The following EML4 variants were observed in gnomAD, a reference collection of about 807,000 sequenced individuals.
EML4 encodes EMAP like 4.
Under a neutral mutation model 129.0 loss-of-function variants are expected in EML4, and 72 were observed. That is an observed-to-expected ratio of 0.56 (90% CI 0.46 to 0.68). The LOEUF (loss-of-function observed/expected upper bound fraction) is 0.68. Among genes scored for constraint, EML4 ranks in the 30% least tolerant of loss-of-function variants. The probability of loss-of-function intolerance (pLI) is 0.00; values close to 1 mark genes in which losing one functional copy is unlikely to be tolerated. For missense variants in EML4, 1,363 were observed against 1,190.6 expected (o/e 1.14, Z -2.13); for synonymous variants, 532 against 405.0 (o/e 1.31, Z -3.77).
At position 42,245,678 on chromosome 2, in the gene EML4, T is replaced by C; in HGVS notation, c.199T>C (p.Ser67Pro). The C allele has an allele frequency of 6.2e-7, 1 of 1,608,480 alleles. No individual in the cohort carries two copies. Among genetic ancestry groups the C allele is most frequent in the Admixed American group, 1.7e-5 (1 of 59,376 alleles). The change falls in exon 2 of 23, where the codon TCA becomes CCA. Residue 67 changes from serine to proline, a missense_variant. Ser to Pro is a moderately conservative substitution (Grantham distance 74). Coordinates refer to ENST00000318522, the MANE Select transcript of EML4 (RefSeq NM_019063.5). ...DHVASVKKSV[S>P]SKGQPSPRAV... ...TGTGGCCTCAGTGAAAAAATCAGTC[T>C]CAAGTAAAGGTAATTGTGTTGTAAA... is the stretch of plus-strand genomic sequence containing the variant.
At chr2:42,287,051 C>A (rs1252669360) in intron 10 of EML4, among the ~76,000 whole-genome samples, 1 of 152,058 alleles carries the variant, frequency 6.6e-6, no homozygotes, top group Non-Finnish European at 1.5e-5. Context: ...AGGATACATA[C>A]TTTTTTAGTT....
chr2:42,238,548 G>A (rs1370246365), intron 1 of EML4, among the ~76,000 whole-genome samples: 1 of 152,154 alleles, frequency 6.6e-6, no homozygotes, highest in Non-Finnish European at 1.5e-5. Flanking sequence ...TTCAAGACCA[G>A]CTTGGGCAAT....
intron 3 of EML4, among the ~76,000 whole-genome samples, chr2:42,259,431 T>C (rs2104373120): frequency 6.6e-6 from 1 of 152,158 alleles, no homozygotes; most frequent in South Asian, 2.1e-4. Context: ...TAACCAAGAG[T>C]CAAAGTACAT....
intron 11 of EML4, among the ~76,000 whole-genome samples, chr2:42,294,814 T>C (rs1050147626): frequency 2.0e-5 from 3 of 152,210 alleles, no homozygotes; most frequent in African/African-American, 7.2e-5. Flanking sequence ...AGAATGTACA[T>C]TGCTCTTAAA....
chr2:42,178,502 C>T (rs575484978), intron 1 of EML4, among the ~76,000 whole-genome samples: 4 of 152,084 alleles, frequency 2.6e-5, no homozygotes, highest in African/African-American at 9.7e-5. Flanking sequence ...TATGATATGC[C>T]ACTGCACTCC....
intron 6 of EML4, among the ~76,000 whole-genome samples, chr2:42,280,425 A>C (rs554096952): frequency 6.6e-6 from 1 of 152,228 alleles, no homozygotes; most frequent in Non-Finnish European, 1.5e-5. Context: ...CATGGGTTCT[A>C]CATCCACAGA....
rs1670000326 is a variant in EML4, at chr2:42,329,784, T to C, written c.2523T>C (p.Ser841=). 1 of 1,614,036 alleles carries C rather than the reference T, an allele frequency of 6.2e-7. No individual in the cohort carries two copies. The highest frequency in any genetic ancestry group is 8.5e-7 in the Non-Finnish European group (1 of 1,179,992). ...ACAGCAGCCATGTCACCAATGTCAG[T>C]TTTACTCACAATGACAGTCACCTGA... ...SAHSSHVTNV[S]FTHNDSHLIS... is the part of the protein sequence containing the mutation. The change falls in exon 23 of 23, where the codon AGT becomes AGC. Residue 841 remains serine (S), a synonymous_variant. Coordinates refer to ENST00000318522, the MANE Select transcript of EML4 (RefSeq NM_019063.5).
At chr2:42,193,038 T>TC (rs1671694014) in intron 1 of EML4, among the ~76,000 whole-genome samples, 1 of 152,198 alleles carries the variant, frequency 6.6e-6, no homozygotes, top group Non-Finnish European at 1.5e-5. Context: ...CCTTAGTCTT[T>TC]AGCTGCAGTA....
chr2:42,169,703 C>G (rs1018673187), intron 1 of EML4, 67 bp downstream of exon 1: 5 of 1,545,294 alleles, frequency 3.2e-6, no homozygotes, highest in Non-Finnish European at 4.4e-6. Context: ...CCGCACACAG[C>G]CCAGGCCCTG....
intron 1 of EML4, among the ~76,000 whole-genome samples, chr2:42,194,565 G>A (rs1283261455): frequency 2.0e-5 from 3 of 151,118 alleles, no homozygotes; most frequent in Non-Finnish European, 4.4e-5. Flanking sequence ...GCCCAGGCTG[G>A]AGTGCAGTAG....
intron 1 of EML4, among the ~76,000 whole-genome samples, chr2:42,193,332 C>G (rs962560017): frequency 6.6e-6 from 1 of 152,176 alleles, no homozygotes; most frequent in Non-Finnish European, 1.5e-5. Flanking sequence ...TCAGAACTGA[C>G]ACATGTCTGT....
At chr2:42,268,181 A>G (rs1401304273) in intron 6 of EML4, among the ~76,000 whole-genome samples, 1 of 152,218 alleles carries the variant, frequency 6.6e-6, no homozygotes, top group Non-Finnish European at 1.5e-5. Flanking sequence ...TCGAAATATT[A>G]AAGGAAAACA....
rs1669932510 is a variant in EML4 at position 42,328,567 on chromosome 2, C to CTT, written c.2342-318_2342-317dup. Among the ~76,000 whole-genome samples the CTT allele has an allele frequency of 3.3e-5, 5 of 152,256 alleles. No individual in the cohort carries two copies. In the South Asian group the frequency reaches 1.0e-3, roughly 32 times the overall value. ...ATCCAGAAACTTTAAAAAGGAAGAG[C>CTT]TTATTGCTGAGGTGTAAGTCAAGCT... On this transcript the variant is annotated intron_variant, in intron 21 of 22. Transcript: ENST00000318522.
chr2:42,279,780 T>TA, intron 6 of EML4, among the ~76,000 whole-genome samples: 1 of 151,676 alleles, frequency 6.6e-6, no homozygotes, highest in Non-Finnish European at 1.5e-5. Flanking sequence ...GGCTGTCTTT[T>TA]TTTATTATTA....
chr2:42,171,385 G>A (rs1330126356), intron 1 of EML4, among the ~76,000 whole-genome samples: 2 of 152,160 alleles, frequency 1.3e-5, no homozygotes. Flanking sequence ...TTTCTGGAGG[G>A]CTTGTTAAAG....
At chr2:42,256,966 A>G (rs955627553) in intron 3 of EML4, among the ~76,000 whole-genome samples, 12 of 152,238 alleles carry the variant, frequency 7.9e-5, no homozygotes, top group African/African-American at 2.4e-4. Context: ...AGCAAGTGAT[A>G]TATTTGATAC....
chr2:42,315,873 T>TC (rs1669217382), intron 17 of EML4, 89 bp from the exon 18 acceptor site: 3 of 915,170 alleles, frequency 3.3e-6, no homozygotes, highest in Admixed American at 4.1e-5. Context: ...AAAGCAAGAC[T>TC]CCATCTCAAA....
chr2:42,246,226 G>C (rs1675393764), intron 2 of EML4, among the ~76,000 whole-genome samples: 1 of 152,064 alleles, frequency 6.6e-6, no homozygotes, highest in African/African-American at 2.4e-5. Flanking sequence ...ACAAACAGTC[G>C]TCAAGACCCT....
intron 19 of EML4, among the ~76,000 whole-genome samples, chr2:42,323,505 A>C (rs941912426): frequency 1.3e-5 from 2 of 152,236 alleles, no homozygotes; most frequent in African/African-American, 4.8e-5. Flanking sequence ...ATACAGCACT[A>C]TGGTGGAGAT....
Sources: allele counts gnomAD v4.1 joint callset (sites outside exome capture counted in the v4.1 genomes callset), GRCh38; gene constraint gnomAD v4.1.1; transcripts MANE v1.5; gene names NCBI Gene and HGNC (gene_info 2026-07-23, HGNC 2026-07-21).